Variants in CIT observed in about 807,000 individuals in gnomAD.
CIT encodes the protein citron Rho-interacting kinase.
In CIT, 79 loss-of-function variants were observed where a neutral mutation model predicts 272.7. The ratio of observed to expected loss-of-function variants is 0.29; its 90% confidence interval spans 0.24 to 0.35. The LOEUF is 0.35. CIT is among the 10% of genes least tolerant of loss of function. The pLI, the probability that CIT is intolerant of heterozygous loss-of-function variation, is 1.00. For synonymous variants in CIT, 948 were observed against 995.6 expected, an observed-to-expected ratio of 0.95 and a Z score of 0.90; for missense variants, 1,909 against 2,618.3, an observed-to-expected ratio of 0.73 and a Z score of 5.91.
chr12:119,689,676 T>A (rs1389443817), intron 47 of CIT, among the ~76,000 whole-genome samples: 1 of 121,956 alleles, frequency 8.2e-6, no homozygotes, highest in Non-Finnish European at 1.6e-5. Context: ...CTTTTTTTTT[T>A]TTTTTTTTTT....
intron 4 of CIT, among the ~76,000 whole-genome samples, chr12:119,856,758 C>CT (rs1304312016): frequency 2.0e-5 from 3 of 152,196 alleles, no homozygotes; most frequent in African/African-American, 7.2e-5. Context: ...TTCTGTGATA[C>CT]TTTAGCTGGT....
At chr12:119,785,339 A>C (rs1284794294) in intron 10 of CIT, among the ~76,000 whole-genome samples, 1 of 152,164 alleles carries the variant, frequency 6.6e-6, no homozygotes, top group Non-Finnish European at 1.5e-5. Flanking sequence ...GGATGGGTAC[A>C]ATGAAATCAC....
chr12:119,803,423 G>C lies in CIT; in HGVS notation c.1112-34C>G, dbSNP rs78144912. On this transcript the variant is annotated intron_variant, in intron 9 of 47. Transcript: ENST00000392521. ...AGAAAAACAAGAAAGGAGGCGGGGA[G>C]GAAAAAAAATTTCAGCCGGATTCAA... The C allele has an allele frequency of 1.1e-5, 17 of 1,482,672 alleles. No individual in the cohort carries two copies. The South Asian group carries it at 2.3e-4, about 20-fold the overall frequency. The allele number at this position is 1,482,672 out of a possible 1,614,324, so 91.8% of individuals were successfully genotyped here.
chr12:119,713,995 G>A lies in CIT; in HGVS notation c.4306+202C>T, dbSNP rs907937207. Among the ~76,000 whole-genome samples the A allele has an allele frequency of 6.6e-6, 1 of 152,224 alleles. No homozygotes were observed. The highest frequency in any genetic ancestry group is 2.4e-5 in the African/African-American group (1 of 41,452). ...ATTAGCAAAGCCTAAGGCACTCTGAGCAGCAGGCTGGAGTCATGAGCTGCA... is the reference window on the plus strand; with the variant it reads ...ATTAGCAAAGCCTAAGGCACTCTGAACAGCAGGCTGGAGTCATGAGCTGCA... On this transcript the variant is annotated intron_variant, in intron 33 of 47. Transcript: ENST00000392521. This position sits in a 1 kb window ranked among gnomAD's most constrained non-coding sequence, Gnocchi z 5.2.
At chr12:119,729,608 G>A (rs1041098636) in intron 27 of CIT, among the ~76,000 whole-genome samples, 2 of 152,114 alleles carry the variant, frequency 1.3e-5, no homozygotes, top group African/African-American at 4.8e-5. Context: ...ACATACGTAT[G>A]TCTATGTATA....
intron 17 of CIT, among the ~76,000 whole-genome samples, chr12:119,771,923 T>A (rs1269226589): frequency 6.6e-6 from 1 of 151,946 alleles, no homozygotes; most frequent in Non-Finnish European, 1.5e-5. Flanking sequence ...CTGCCTGGCA[T>A]GAGGAAAGTG....
rs779338485 is a variant in CIT at position 119,690,246 on chromosome 12, G to A, written c.6091C>T (p.Arg2031Trp). Residue 2031 changes from arginine to tryptophan, a missense_variant, in exon 47 of 48, where the codon CGG becomes TGG. By Grantham distance (101) the Arg-to-Trp change is moderately radical. Around this residue, in one of 8 missense-constraint regions of CIT, gnomAD observed 780 missense variants for 1,067.2 expected, o/e 0.73. Transcript: ENST00000392521. This position sits in a 1 kb window ranked among gnomAD's most constrained non-coding sequence, Gnocchi z 6.0. ...EKSPGRMLSTRRERSPGRLFE... is the reference protein window; with the variant it reads ...EKSPGRMLSTWRERSPGRLFE... Reference sequence around the variant, plus strand: ...AGCCTCCCGGGGGACCGCTCTCTCCGCGTGCTGAGCATCCGGCCGGGGGAC... The same window carrying A: ...AGCCTCCCGGGGGACCGCTCTCTCCACGTGCTGAGCATCCGGCCGGGGGAC... 6.4e-7 allele frequency: 1 copy of A among 1,563,798 alleles called. No homozygotes were observed. Among genetic ancestry groups the A allele is most frequent in the South Asian group, 1.2e-5 (1 of 86,166 alleles).
At chr12:119,700,955 C>G (rs1388740049) in intron 43 of CIT, 130 bp from the exon 44 acceptor site, 16 of 606,708 alleles carry the variant, frequency 2.6e-5, no homozygotes, top group Non-Finnish European at 4.2e-5. Context: ...CTGTGAAAAC[C>G]AGAGGCCCTC....
intron 13 of CIT, among the ~76,000 whole-genome samples, chr12:119,777,352 A>G (rs185239834): frequency 6.6e-6 from 1 of 152,048 alleles, no homozygotes; most frequent in African/African-American, 2.4e-5. Context: ...TAGGGTGAAG[A>G]TGAGGGAGAA....
intron 24 of CIT, among the ~76,000 whole-genome samples, chr12:119,741,375 C>A (rs758930787): frequency 6.6e-6 from 1 of 152,182 alleles, no homozygotes; most frequent in Non-Finnish European, 1.5e-5. Context: ...ATGAGGGAGC[C>A]TTCAGGGACT....
intron 10 of CIT, among the ~76,000 whole-genome samples, chr12:119,795,683 C>T (rs1965675364): frequency 6.6e-6 from 1 of 152,160 alleles, no homozygotes; most frequent in African/African-American, 2.4e-5. Flanking sequence ...GTACAGTGGT[C>T]TAGAGGCAAC....
chr12:119,688,301 T>G, intron 47 of CIT, 46 bp from the exon 48 acceptor site: 8 of 1,585,768 alleles, frequency 5.0e-6, no homozygotes, highest in Non-Finnish European at 6.1e-6. Flanking sequence ...AGGCCAGAAG[T>G]TGCTGTGCTC....
At position 119,823,927 on chromosome 12, in the gene CIT, C is replaced by A. The variant is rs1967939104; in HGVS notation, c.958-954G>T. ...TGGTGGTGGGCACCCGTGATCCCAGCTACTCAGGAGGCTGAGGCAGGAAAA... is the reference window on the plus strand; with the variant it reads ...TGGTGGTGGGCACCCGTGATCCCAGATACTCAGGAGGCTGAGGCAGGAAAA... On this transcript the variant is annotated intron_variant, in intron 8 of 47. Transcript: ENST00000392521. 2.0e-5 allele frequency among the ~76,000 whole-genome samples: 3 copies of A among 149,982 alleles called. No individual in the cohort carries two copies. In the South Asian group the frequency reaches 6.4e-4, roughly 32 times the overall value.
intron 4 of CIT, among the ~76,000 whole-genome samples, chr12:119,852,406 C>T (rs1970280941): frequency 6.6e-6 from 1 of 152,074 alleles, no homozygotes; most frequent in Admixed American, 6.6e-5. Flanking sequence ...TCAACTCGAT[C>T]GTTTTATTCT....
chr12:119,844,418 A>G (rs1449054498), intron 5 of CIT, among the ~76,000 whole-genome samples: 1 of 152,162 alleles, frequency 6.6e-6, no homozygotes, highest in Non-Finnish European at 1.5e-5. Context: ...ATGGGAAGTC[A>G]CACTAAAGGG....
At chr12:119,706,865 G>C (rs112181363) in intron 40 of CIT, among the ~76,000 whole-genome samples, 3 of 152,326 alleles carry the variant, frequency 2.0e-5, no homozygotes, top group African/African-American at 4.8e-5. Flanking sequence ...TCCCCACACT[G>C]TCTTCCACAA....
intron 3 of CIT, among the ~76,000 whole-genome samples, chr12:119,862,755 A>G (rs1214878641): frequency 1.5e-5 from 2 of 131,132 alleles, no homozygotes; most frequent in Non-Finnish European, 3.1e-5. Flanking sequence ...GGTTGCAGTG[A>G]GCCAAGATCG....
At chr12:119,862,832 A>AAAAAAAAAG (rs1566141804) in intron 3 of CIT, among the ~76,000 whole-genome samples, 13 of 135,612 alleles carry the variant, frequency 9.6e-5, no homozygotes, top group African/African-American at 4.0e-4. Context: ...AAAAAAAAAA[A>AAAAAAAAAG]AAAAAAAAGA....
chr12:119,720,717 T>A, intron 29 of CIT, 132 bp from the exon 30 acceptor site: 1 of 588,342 alleles, frequency 1.7e-6, no homozygotes. Context: ...CAGTACTGAG[T>A]CAGTATGTAT....
Sources: gnomAD v4.1 joint callset for allele counts (sites outside exome capture counted in the v4.1 genomes callset) on GRCh38, gnomAD v4.1.1 for gene constraint, gnomAD v4.1.1 regional missense constraint, Gnocchi (gnomAD v3.1) non-coding constraint, MANE v1.5 for transcripts, NCBI Gene and HGNC (gene_info 2026-07-23, HGNC 2026-07-21) for gene names.